The following GABRB2 variants were observed in gnomAD, a reference collection of about 807,000 sequenced individuals.
GABRB2 encodes gamma-aminobutyric acid receptor subunit beta-2.
In GABRB2, 16 loss-of-function variants were observed where a neutral mutation model predicts 54.7. The observed-to-expected ratio is 0.29, with a 90% CI of 0.20 to 0.44. GABRB2 has a LOEUF of 0.44. GABRB2 is among the 20% of genes least tolerant of loss of function. GABRB2 has a pLI of 1.00. For missense variants in GABRB2, 355 were observed against 644.0 expected, an observed-to-expected ratio of 0.55 and a Z score of 4.86; for synonymous variants, 244 against 233.8, an observed-to-expected ratio of 1.04 and a Z score of -0.40.
intron 9 of GABRB2, among the ~76,000 whole-genome samples, chr5:161,317,083 GAA>G (rs112350190): frequency 6.6e-6 from 1 of 151,528 alleles, no homozygotes; most frequent in Admixed American, 6.6e-5. Flanking sequence ...GCGTGAGAGA[GAA>G]AAAAAATGAC....
At chr5:161,341,165 C>T (rs566744155) in intron 5 of GABRB2, among the ~76,000 whole-genome samples, 2 of 152,042 alleles carry the variant, frequency 1.3e-5, no homozygotes, top group Non-Finnish European at 2.9e-5. Context: ...TTAAAGCAGA[C>T]CTTGTTTTCT....
chr5:161,456,207 G>A (rs1757951283), intron 4 of GABRB2, among the ~76,000 whole-genome samples: 1 of 152,098 alleles, frequency 6.6e-6, no homozygotes, highest in East Asian at 1.9e-4. Context: ...CTTCATGGTT[G>A]CCCTTCAATA....
chr5:161,481,005 C>T (rs752128502), intron 3 of GABRB2, among the ~76,000 whole-genome samples: 4 of 151,772 alleles, frequency 2.6e-5, no homozygotes, highest in African/African-American at 4.8e-5. Context: ...ATACCACAGA[C>T]GAAAAACTCA....
chr5:161,497,437 C>T (rs1468724432), intron 3 of GABRB2, among the ~76,000 whole-genome samples: 2 of 151,930 alleles, frequency 1.3e-5, no homozygotes, highest in African/African-American at 2.4e-5. Context: ...GGAAACTAAT[C>T]TGAACTCAGG....
intron 9 of GABRB2, among the ~76,000 whole-genome samples, chr5:161,311,664 A>T (rs1213954046): frequency 6.6e-6 from 1 of 152,206 alleles, no homozygotes; most frequent in Non-Finnish European, 1.5e-5. Flanking sequence ...GGTATAACTC[A>T]TTTACATTTC....
At chr5:161,350,389 C>T (rs1389090683) in intron 5 of GABRB2, among the ~76,000 whole-genome samples, 1 of 152,026 alleles carries the variant, frequency 6.6e-6, no homozygotes, top group Non-Finnish European at 1.5e-5. Context: ...AGTTTCTGTA[C>T]ACTAACAACA....
Position 161,337,403 on chromosome 5 carries a change from C to G in GABRB2, c.542-634G>C, listed in dbSNP as rs141610649. On this transcript the variant is annotated intron_variant, in intron 5 of 9. Coordinates refer to ENST00000393959, the MANE Select transcript of GABRB2 (RefSeq NM_001371727.1). ...ATTTAGTTTCAAAGAAAATCTTCCA[C>G]AGAAAAACTCAAAACAACATTAACT... 3.3e-3 allele frequency among the ~76,000 whole-genome samples: 505 copies of G among 152,194 alleles called. 10 individuals carry two copies. Among genetic ancestry groups the G allele is most frequent in the African/African-American group, 0.011 (470 of 41,542 alleles).
chr5:161,291,676 T>G lies in GABRB2; in HGVS notation c.*2405A>C, dbSNP rs563086259. On this transcript the variant is annotated 3_prime_UTR_variant, in exon 10 of 10. Transcript: ENST00000393959. The stretch of plus-strand genomic sequence containing the variant: ...TGCTTCTCTACACTTTGATCTGGAT[T>G]GTTCTGTTGACTTTCTTGGACATCT... 26 of 152,742 alleles carry G rather than the reference T, an allele frequency of 1.7e-4. No homozygotes were observed. The South Asian group carries it at 5.0e-3, about 29-fold the overall frequency. The allele number at this position is 152,742 out of a possible 1,614,324, so 9.5% of individuals were successfully genotyped here. A position where few individuals can be genotyped will look rare whatever the true frequency, so the allele number is the denominator to read the frequency against.
At chr5:161,512,399 C>T (rs766500432) in intron 3 of GABRB2, among the ~76,000 whole-genome samples, 7 of 151,582 alleles carry the variant, frequency 4.6e-5, no homozygotes, top group Non-Finnish European at 8.9e-5. Context: ...ACATGTAGAT[C>T]CTGAAATAAA....
chr5:161,513,838 CA>C lies in GABRB2; in HGVS notation c.237+31388del, dbSNP rs769332086. 3.3e-5 allele frequency among the ~76,000 whole-genome samples: 5 copies of C among 151,924 alleles called. No individual in the cohort carries two copies. The East Asian group carries it at 5.8e-4, about 18-fold the overall frequency. ...ATAAAATACAGATAAATTTCCTTCC[CA>C]AAAAACTCCACAACTGACAGTTAAT... On this transcript the variant is annotated intron_variant, in intron 3 of 9. Coordinates refer to ENST00000393959, the MANE Select transcript of GABRB2 (RefSeq NM_001371727.1).
chr5:161,454,169 T>C (rs1757878397), intron 4 of GABRB2, among the ~76,000 whole-genome samples: 1 of 152,044 alleles, frequency 6.6e-6, no homozygotes, highest in Admixed American at 6.6e-5. Context: ...GGAAGAACCA[T>C]ACAACACATT....
intron 5 of GABRB2, among the ~76,000 whole-genome samples, chr5:161,376,488 A>G (rs953934018): frequency 3.3e-5 from 5 of 152,128 alleles, no homozygotes; most frequent in Non-Finnish European, 7.4e-5. Flanking sequence ...CTTTTTCCTA[A>G]GTTGAGGAAA....
chr5:161,419,949 T>A (rs151035538), intron 4 of GABRB2, among the ~76,000 whole-genome samples: 1 of 152,096 alleles, frequency 6.6e-6, no homozygotes, highest in Admixed American at 6.6e-5. Flanking sequence ...TCATGTAACC[T>A]CTGAATCTAT....
rs1468353590 is a variant in GABRB2, at chr5:161,289,682, A to G, written c.*4399T>C. The G allele has an allele frequency of 2.0e-5, 3 of 152,082 alleles. No homozygotes were observed. Among genetic ancestry groups the G allele is most frequent in the Non-Finnish European group, 4.4e-5 (3 of 68,004 alleles). The allele number at this position is 152,082 out of a possible 1,614,324, so 9.4% of individuals were successfully genotyped here. ...ATCATTTTTGCTTTTCCCAATTGCC[A>G]TTTCAAAGGCTATCTCTTGTTTGTT... On this transcript the variant is annotated 3_prime_UTR_variant, in exon 10 of 10. Coordinates refer to ENST00000393959, the MANE Select transcript of GABRB2 (RefSeq NM_001371727.1).
At position 161,455,262 on chromosome 5, in the gene GABRB2, G is replaced by A. The variant is rs114130471; in HGVS notation, c.458+4362C>T. ...GAGTGGTAGCAAGGTTCTGGCTGAC[G>A]AGCTTTGAGCACCCCTCTCCGGATA... On this transcript the variant is annotated intron_variant, in intron 4 of 9. Transcript: ENST00000393959. 9.2e-4 allele frequency among the ~76,000 whole-genome samples: 140 copies of A among 152,200 alleles called. 1 individual carries two copies. Among genetic ancestry groups the A allele is most frequent in the African/African-American group, 3.2e-3 (135 of 41,540 alleles).
chr5:161,451,092 A>C (rs1350247704), intron 4 of GABRB2, among the ~76,000 whole-genome samples: 1 of 152,206 alleles, frequency 6.6e-6, no homozygotes. Context: ...CTACTCAGTC[A>C]TCCTGTGGTA....
chr5:161,493,877 C>T (rs969733134), intron 3 of GABRB2, among the ~76,000 whole-genome samples: 3 of 151,580 alleles, frequency 2.0e-5, no homozygotes, highest in Non-Finnish European at 4.4e-5. Context: ...AGTGAATTAT[C>T]CTAATGCATT....
chr5:161,310,496 C>T (rs986815022), intron 9 of GABRB2, among the ~76,000 whole-genome samples: 12 of 152,200 alleles, frequency 7.9e-5, no homozygotes, highest in African/African-American at 2.9e-4. Flanking sequence ...TTCTCTCTCT[C>T]TCTTTCTTCC....
At chr5:161,310,765 T>TA (rs1491561063) in intron 9 of GABRB2, among the ~76,000 whole-genome samples, 1 of 52,266 alleles carries the variant, frequency 1.9e-5, no homozygotes, top group African/African-American at 1.4e-4. Context: ...TGCTACAGCA[T>TA]TTTTTTTTTT....
Sources: gnomAD v4.1 joint callset for allele counts (sites outside exome capture counted in the v4.1 genomes callset) on GRCh38, gnomAD v4.1.1 for gene constraint, MANE v1.5 for transcripts, NCBI Gene and HGNC (gene_info 2026-07-23, HGNC 2026-07-21) for gene names.